SH3RF3: variants seen among roughly 807,000 people sequenced by gnomAD.
SH3RF3 encodes SH3 domain containing ring finger 3.
A neutral mutation model predicts 66.3 loss-of-function variants in SH3RF3; 29 were observed. The ratio of observed to expected loss-of-function variants is 0.44; its 90% CI spans 0.33 to 0.60. The LOEUF (loss-of-function observed/expected upper bound fraction) is 0.60, where lower values mean the gene tolerates loss of function less well. SH3RF3 is among the 20% of genes least tolerant of loss of function. The pLI is 0.04. For synonymous variants in SH3RF3, 583 were observed against 532.0 expected, an observed-to-expected ratio of 1.10 and a Z score of -1.32; for missense variants, 1,194 against 1,190.9, an observed-to-expected ratio of 1.00 and a Z score of -0.04.
chr2:109,372,904 A>T lies in SH3RF3; in HGVS notation c.945+1223A>T, dbSNP rs115278432. On this transcript the variant is annotated intron_variant, in intron 3 of 9. Transcript: ENST00000309415. Reference sequence around the variant, plus strand: ...GCAGATACTTAAAGATGTTTGTTTAAAACATCTGTCAATTCCCCGTTGCCT... The same window carrying T: ...GCAGATACTTAAAGATGTTTGTTTATAACATCTGTCAATTCCCCGTTGCCT... 5.1e-3 allele frequency among the ~76,000 whole-genome samples: 773 copies of T among 152,320 alleles called. 3 individuals are homozygous for T. Among genetic ancestry groups the T allele is most frequent in the African/African-American group, 0.018 (740 of 41,574 alleles).
intron 1 of SH3RF3, among the ~76,000 whole-genome samples, chr2:109,267,140 A>G (rs534920574): frequency 2.0e-5 from 3 of 152,272 alleles, no homozygotes; most frequent in African/African-American, 7.2e-5. Context: ...GAGGTGGTCA[A>G]ACAGGATGGG....
chr2:109,404,712 C>T (rs987924738), intron 4 of SH3RF3, among the ~76,000 whole-genome samples: 2 of 152,130 alleles, frequency 1.3e-5, no homozygotes, highest in Non-Finnish European at 2.9e-5. Flanking sequence ...GGCCCATTCT[C>T]ATTCTTCTCT....
chr2:109,383,930 A>G (rs547768985), intron 3 of SH3RF3, among the ~76,000 whole-genome samples: 7 of 152,292 alleles, frequency 4.6e-5, no homozygotes, highest in African/African-American at 1.7e-4. Flanking sequence ...TCTGTTAGGT[A>G]GAAGGTTCTG....
At chr2:109,466,708 A>G (rs1459699065) in intron 8 of SH3RF3, among the ~76,000 whole-genome samples, 2 of 152,092 alleles carry the variant, frequency 1.3e-5, no homozygotes, top group South Asian at 2.1e-4. Context: ...ATAGTTTTGC[A>G]TTTTACATTT....
intron 1 of SH3RF3, among the ~76,000 whole-genome samples, chr2:109,228,558 G>C (rs751138753): frequency 1.6e-4 from 25 of 152,310 alleles, no homozygotes; most frequent in Middle Eastern, 3.4e-3. Context: ...GACCCTGCAG[G>C]TTAAGGGCTC....
chr2:109,307,870 G>A lies in SH3RF3; in HGVS notation c.574-39804G>A, dbSNP rs961517820. 4.7e-5 allele frequency among the ~76,000 whole-genome samples: 6 copies of A among 128,754 alleles called. No homozygotes were observed. The South Asian group carries it at 7.4e-4, about 16-fold the overall frequency. 84.5% of individuals were successfully genotyped at this position (128,754 alleles called of 152,430 possible). ...CCAAGTCTTTGCTATTGTGAATAAT[G>A]CCGCAGTAAACATACGTGTGCATGT... On this transcript the variant is annotated intron_variant, in intron 1 of 9. Transcript: ENST00000309415.
chr2:109,394,538 C>T (rs906697840), intron 3 of SH3RF3, among the ~76,000 whole-genome samples: 2 of 152,164 alleles, frequency 1.3e-5, no homozygotes, highest in Non-Finnish European at 2.9e-5. Context: ...GATAAAGTTA[C>T]CGAGATGTTT....
At chr2:109,374,169 G>A in intron 3 of SH3RF3, among the ~76,000 whole-genome samples, 1 of 152,106 alleles carries the variant, frequency 6.6e-6, no homozygotes, top group East Asian at 1.9e-4. Flanking sequence ...CCACCCACCT[G>A]GATAGGAAGC....
chr2:109,240,651 G>A (rs917609391), intron 1 of SH3RF3, among the ~76,000 whole-genome samples: 3 of 152,028 alleles, frequency 2.0e-5, no homozygotes, highest in African/African-American at 7.3e-5. Flanking sequence ...TGCCACTGAC[G>A]GATTATTTCA....
chr2:109,244,440 C>A (rs1679863608), intron 1 of SH3RF3, among the ~76,000 whole-genome samples: 1 of 152,038 alleles, frequency 6.6e-6, no homozygotes, highest in Non-Finnish European at 1.5e-5. Flanking sequence ...TGATTTTTGC[C>A]CATGAATGCA....
At chr2:109,162,925 G>A (rs1443351905) in intron 1 of SH3RF3, among the ~76,000 whole-genome samples, 2 of 152,140 alleles carry the variant, frequency 1.3e-5, no homozygotes, top group Non-Finnish European at 2.9e-5. Context: ...AGAGCCTCTT[G>A]GCTGATGCCT....
At chr2:109,301,938 T>C (rs1352092078) in intron 1 of SH3RF3, among the ~76,000 whole-genome samples, 1 of 152,198 alleles carries the variant, frequency 6.6e-6, no homozygotes, top group Non-Finnish European at 1.5e-5. Flanking sequence ...TTTTCTGCCC[T>C]CCTTCCCGCA....
intron 8 of SH3RF3, among the ~76,000 whole-genome samples, chr2:109,488,384 C>T (rs1204572993): frequency 2.6e-5 from 4 of 152,242 alleles, no homozygotes; most frequent in Non-Finnish European, 5.9e-5. Context: ...TCATCAAGAA[C>T]TCTTGCTGTG....
At chr2:109,376,937 G>A (rs1207828644) in intron 3 of SH3RF3, among the ~76,000 whole-genome samples, 1 of 152,256 alleles carries the variant, frequency 6.6e-6, no homozygotes, top group East Asian at 1.9e-4. Flanking sequence ...TCTGCAATGT[G>A]AGGACAGACA....
At chr2:109,376,421 C>T (rs1159990373) in intron 3 of SH3RF3, among the ~76,000 whole-genome samples, 1 of 152,220 alleles carries the variant, frequency 6.6e-6, no homozygotes, top group Non-Finnish European at 1.5e-5. Flanking sequence ...GCTGCTCACA[C>T]AGAGCCTGGG....
intron 3 of SH3RF3, among the ~76,000 whole-genome samples, chr2:109,376,860 C>T (rs1442391443): frequency 6.6e-6 from 1 of 152,222 alleles, no homozygotes; most frequent in African/African-American, 2.4e-5. Flanking sequence ...GGAGGAAGAA[C>T]CCCTTCCTTT....
chr2:109,162,704 T>C (rs1317349564), intron 1 of SH3RF3, among the ~76,000 whole-genome samples: 1 of 152,268 alleles, frequency 6.6e-6, no homozygotes, highest in African/African-American at 2.4e-5. Flanking sequence ...CATGTGTCTT[T>C]ATAGCTGCAT....
intron 4 of SH3RF3, among the ~76,000 whole-genome samples, chr2:109,402,519 G>A (rs142198105): frequency 6.6e-6 from 1 of 152,338 alleles, no homozygotes; most frequent in Non-Finnish European, 1.5e-5. Flanking sequence ...GAGCAGGAAG[G>A]CCCGCAGCCC....
chr2:109,200,551 G>A (rs1034732065), intron 1 of SH3RF3, among the ~76,000 whole-genome samples: 2 of 152,092 alleles, frequency 1.3e-5, no homozygotes, highest in African/African-American at 2.4e-5. Flanking sequence ...CCAGGCTCCC[G>A]GCCTCCAGCC....
Sources: allele counts gnomAD v4.1 joint callset (sites outside exome capture counted in the v4.1 genomes callset), GRCh38; gene constraint gnomAD v4.1.1; transcripts MANE v1.5; gene names NCBI Gene and HGNC (gene_info 2026-07-23, HGNC 2026-07-21).